RBPJ: variants seen among roughly 807,000 people sequenced by gnomAD.
RBPJ encodes the protein recombination signal binding protein for immunoglobulin kappa J region, also known as recombining binding protein suppressor of hairless.
RBPJ carries 9 observed loss-of-function variants against 67.8 expected under a neutral mutation model. The ratio of observed to expected loss-of-function variants is 0.13; its 90% CI spans 0.08 to 0.23. The LOEUF is 0.23. RBPJ is among the 10% of genes least tolerant of loss of function. The pLI, the probability that RBPJ is intolerant of heterozygous loss-of-function variation, is 1.00. For synonymous variants in RBPJ, 198 were observed against 203.3 expected, an observed-to-expected ratio of 0.97 and a Z score of 0.22; for missense variants, 305 against 595.6, an observed-to-expected ratio of 0.51 and a Z score of 5.08.
chr4:26,139,414 A>G, the RBPJ span, among the ~76,000 whole-genome samples: 3 of 152,362 alleles, frequency 2.0e-5, no homozygotes, highest in Middle Eastern at 3.4e-3. Context: ...ACAAAGTAGA[A>G]GCTCAAGGCT....
chr4:26,110,593 A>C, the RBPJ span, among the ~76,000 whole-genome samples: 1 of 152,248 alleles, frequency 6.6e-6, no homozygotes, highest in Admixed American at 6.5e-5. The surrounding 1 kb of genome is among the most constrained non-coding windows in gnomAD (Gnocchi z 4.5). Context: ...GTATGAACTC[A>C]GCTTCCCAAA....
At chr4:26,262,048 C>A (rs374444180) in intron 1 of RBPJ, among the ~76,000 whole-genome samples, 130 of 152,292 alleles carry the variant, frequency 8.5e-4, no homozygotes, top group Admixed American at 3.2e-3. Flanking sequence ...TGGGCTCAAG[C>A]GGTCCTCCCA....
chr4:26,116,892 T>C, the RBPJ span, among the ~76,000 whole-genome samples: 1 of 152,216 alleles, frequency 6.6e-6, no homozygotes, highest in African/African-American at 2.4e-5. Flanking sequence ...CCCTGGAGTC[T>C]CTATAGATTC....
intron 1 of RBPJ, among the ~76,000 whole-genome samples, chr4:26,184,206 A>AG (rs1553846586): frequency 6.6e-6 from 1 of 151,446 alleles, no homozygotes; most frequent in African/African-American, 2.4e-5. Context: ...AGAAAGAAAA[A>AG]AAATGTATCC....
At chr4:26,175,054 G>C (rs899199367) in intron 1 of RBPJ, among the ~76,000 whole-genome samples, 12 of 152,142 alleles carry the variant, frequency 7.9e-5, no homozygotes, top group Non-Finnish European at 1.6e-4. Context: ...TTTTCTCATT[G>C]TAATGAAATC....
chr4:26,412,808 CTG>C (rs1252402040), intron 3 of RBPJ: 1 of 152,136 alleles, frequency 6.6e-6, no homozygotes, highest in Non-Finnish European at 1.5e-5. Flanking sequence ...GTATTTGACT[CTG>C]TGCCATAGTA....
At chr4:26,157,025 A>G in the RBPJ span, among the ~76,000 whole-genome samples, 1 of 150,346 alleles carries the variant, frequency 6.7e-6, no homozygotes, top group African/African-American at 2.4e-5. Flanking sequence ...GTGGTGTGCC[A>G]GGTTCACACC....
intron 2 of RBPJ, among the ~76,000 whole-genome samples, chr4:26,401,778 A>G (rs987388369): frequency 3.3e-5 from 5 of 152,240 alleles, no homozygotes; most frequent in African/African-American, 7.2e-5. Flanking sequence ...GCTTAAAACT[A>G]TTCAAATATA....
At chr4:26,229,828 A>C (rs1719213143) in intron 1 of RBPJ, among the ~76,000 whole-genome samples, 1 of 152,218 alleles carries the variant, frequency 6.6e-6, no homozygotes, top group Non-Finnish European at 1.5e-5. Context: ...TAGAACTCAG[A>C]TGGTCTGACT....
chr4:26,206,305 T>G (rs977227350), intron 1 of RBPJ, among the ~76,000 whole-genome samples: 2 of 152,236 alleles, frequency 1.3e-5, no homozygotes, highest in African/African-American at 4.8e-5. Flanking sequence ...GGTGATAACT[T>G]TAGCAAGAAG....
intron 1 of RBPJ, among the ~76,000 whole-genome samples, chr4:26,180,606 C>T (rs534690139): frequency 1.3e-5 from 2 of 152,284 alleles, no homozygotes; most frequent in East Asian, 3.9e-4. Flanking sequence ...GCACTAATAC[C>T]ATTCACGAGG....
At chr4:26,284,353 T>G (rs184429378) in intron 1 of RBPJ, among the ~76,000 whole-genome samples, 2 of 152,372 alleles carry the variant, frequency 1.3e-5, no homozygotes, top group Admixed American at 1.3e-4. Context: ...TCCAACTTCA[T>G]ACTTAGTGAA....
At chr4:26,125,551 C>G in the RBPJ span, among the ~76,000 whole-genome samples, 3 of 152,178 alleles carry the variant, frequency 2.0e-5, no homozygotes, top group African/African-American at 7.2e-5. Context: ...GTAATCCCAG[C>G]ACTTTGGGAG....
chr4:26,213,068 T>G (rs989325793), intron 1 of RBPJ, among the ~76,000 whole-genome samples: 2 of 152,200 alleles, frequency 1.3e-5, no homozygotes, highest in Admixed American at 6.6e-5. Context: ...AAAATGTCCT[T>G]TATAATAAAC....
At chr4:26,319,104 A>G (rs1722776497), upstream of RBPJ, among the ~76,000 whole-genome samples, 1 of 152,030 alleles carries the variant, frequency 6.6e-6, no homozygotes, top group Non-Finnish European at 1.5e-5. Context: ...TAGGTGACTC[A>G]AGGCATGACT....
chr4:26,332,993 C>T (rs534407040), intron 1 of RBPJ, among the ~76,000 whole-genome samples: 7 of 152,280 alleles, frequency 4.6e-5, no homozygotes, highest in East Asian at 1.9e-4. Flanking sequence ...CCACTATAGT[C>T]TTATACCAGG....
chr4:26,314,501 G>T (rs918511705), intron 1 of RBPJ, among the ~76,000 whole-genome samples: 1 of 152,168 alleles, frequency 6.6e-6, no homozygotes, highest in Admixed American at 6.6e-5. Flanking sequence ...GGTGGGAGGT[G>T]ACTGGATCAT....
chr4:26,129,644 G>A, the RBPJ span, among the ~76,000 whole-genome samples: 1 of 152,100 alleles, frequency 6.6e-6, no homozygotes, highest in Non-Finnish European at 1.5e-5. Context: ...GCTATTGTAA[G>A]ACGGGGTTAC....
chr4:26,186,243 A>G (rs1717255111), intron 1 of RBPJ, among the ~76,000 whole-genome samples: 1 of 149,372 alleles, frequency 6.7e-6, no homozygotes, highest in Non-Finnish European at 1.5e-5. Context: ...TCCTGGTTCT[A>G]CCATTTATTA....
Sources: allele counts gnomAD v4.1 joint callset (sites outside exome capture counted in the v4.1 genomes callset), GRCh38; gene constraint gnomAD v4.1.1; non-coding constraint Gnocchi (gnomAD v3.1); transcripts MANE v1.5; gene names NCBI Gene and HGNC (gene_info 2026-07-23, HGNC 2026-07-21).